The following ZC3H7A variants were observed in gnomAD, a reference collection of about 807,000 sequenced individuals.
ZC3H7A encodes zinc finger CCCH domain-containing protein 7A.
ZC3H7A carries 44 observed loss-of-function variants against 125.5 expected under a neutral mutation model. The ratio of observed to expected loss-of-function variants is 0.35; its 90% CI spans 0.28 to 0.45. The LOEUF (loss-of-function observed/expected upper bound fraction) is 0.45, where lower values mean the gene tolerates loss of function less well. Among genes scored for constraint, ZC3H7A ranks in the 20% least tolerant of loss-of-function variants. ZC3H7A has a pLI of 1.00. For missense variants in ZC3H7A, 977 were observed against 1,170.7 expected, an observed-to-expected ratio of 0.83 and a Z score of 2.41; for synonymous variants, 399 against 391.2, an observed-to-expected ratio of 1.02 and a Z score of -0.23.
intron 16 of ZC3H7A, chr16:11,763,253 G>T (rs1248602595): frequency 6.0e-6 from 2 of 334,960 alleles, no homozygotes; most frequent in Non-Finnish European, 1.1e-5. Flanking sequence ...TATTACAGGC[G>T]CCCACCACCA....
chr16:11,759,890 G>C (rs373338850), intron 19 of ZC3H7A: 1 of 152,048 alleles, frequency 6.6e-6, no homozygotes, highest in African/African-American at 2.4e-5. Flanking sequence ...AGGCGGGTGG[G>C]TCACTTGAGG....
At chr16:11,768,204 T>A (rs922644980) in intron 12 of ZC3H7A, 111 bp downstream of exon 12, 2 of 1,105,864 alleles carry the variant, frequency 1.8e-6, no homozygotes, top group Admixed American at 3.0e-5. Context: ...AAAATAGGGA[T>A]TGAAGAACCA....
chr16:11,759,537 C>T (rs1301241198), intron 19 of ZC3H7A: 1 of 152,162 alleles, frequency 6.6e-6, no homozygotes, highest in African/African-American at 2.4e-5. Context: ...CCCGTCAAAC[C>T]CCAGTAAGTA....
chr16:11,758,584 TA>T (rs770139967), intron 19 of ZC3H7A, 45 bp from the exon 20 acceptor site: 25 of 1,366,838 alleles, frequency 1.8e-5, no homozygotes, highest in Non-Finnish European at 2.4e-5. Flanking sequence ...GTACACCTAG[TA>T]AAACGGCCTA....
At chr16:11,775,036 G>A (rs748782763) in intron 7 of ZC3H7A, 23 bp from the exon 8 acceptor site, 1 of 1,613,234 alleles carries the variant, frequency 6.2e-7, no homozygotes, top group Non-Finnish European at 8.5e-7. Flanking sequence ...CCAAACAATG[G>A]GTTATAATAT....
At chr16:11,783,150 G>A (rs373804334) in intron 1 of ZC3H7A, 3 of 152,260 alleles carry the variant, frequency 2.0e-5, no homozygotes, top group African/African-American at 4.8e-5. Context: ...CTCCGAGGGA[G>A]TCTGACTTCC....
rs1371155855 is a variant in ZC3H7A at position 11,776,929 on chromosome 16, A to T, written c.307-20T>A. On this transcript the variant is annotated intron_variant, in intron 4 of 22. Transcript: ENST00000355758. ...GAAACCCTGGTGTGTAAGACCAAAG[A>T]ATAAAGTCAGCAATCAAACAATTCA... 6.5e-7 allele frequency: 1 copy of T among 1,541,768 alleles called. No homozygotes were observed. The highest frequency in any genetic ancestry group is 1.3e-5 in the South Asian group (1 of 79,964).
At chr16:11,789,937 C>T (rs988554624) in intron 1 of ZC3H7A, among the ~76,000 whole-genome samples, 1 of 151,692 alleles carries the variant, frequency 6.6e-6, no homozygotes, top group African/African-American at 2.4e-5. Flanking sequence ...AAAAATTAAC[C>T]GGGTGTGGAG....
chr16:11,779,744 C>G (rs752682318), intron 3 of ZC3H7A, among the ~76,000 whole-genome samples: 1 of 152,114 alleles, frequency 6.6e-6, no homozygotes, highest in South Asian at 2.1e-4. Flanking sequence ...AAAAATGTTT[C>G]TAGTGGTTTA....
chr16:11,789,041 C>T (rs908958045), intron 1 of ZC3H7A, among the ~76,000 whole-genome samples: 1 of 152,146 alleles, frequency 6.6e-6, no homozygotes, highest in Non-Finnish European at 1.5e-5. Context: ...CAACCACACA[C>T]ACACAAGTGC....
chr16:11,762,847 A>G (rs1175208656), intron 16 of ZC3H7A, 100 bp from the exon 17 acceptor site: 9 of 1,063,186 alleles, frequency 8.5e-6, no homozygotes, highest in Non-Finnish European at 1.3e-5. Flanking sequence ...CTTCCAATCT[A>G]TTCTCATACC....
chr16:11,780,256 G>A (rs1044669036), intron 3 of ZC3H7A, among the ~76,000 whole-genome samples: 2 of 151,726 alleles, frequency 1.3e-5, no homozygotes, highest in African/African-American at 2.4e-5. Flanking sequence ...GAGTAGCTGG[G>A]ATTACAGGCA....
intron 20 of ZC3H7A, among the ~76,000 whole-genome samples, chr16:11,756,823 A>C (rs1015489342): frequency 6.6e-6 from 1 of 152,106 alleles, no homozygotes; most frequent in Non-Finnish European, 1.5e-5. Context: ...ACATACTACT[A>C]CTGGACCAAG....
intron 9 of ZC3H7A, among the ~76,000 whole-genome samples, chr16:11,773,225 G>C (rs1398463970): frequency 6.6e-6 from 1 of 151,860 alleles, no homozygotes; most frequent in African/African-American, 2.4e-5. Flanking sequence ...GTGTTGCCCA[G>C]GCTAGAGTGC....
chr16:11,759,426 C>G (rs897573582), intron 19 of ZC3H7A: 5 of 152,240 alleles, frequency 3.3e-5, no homozygotes, highest in Non-Finnish European at 7.3e-5. Context: ...GCTCAGCCCC[C>G]TTAACACTGT....
At chr16:11,763,683 T>C (rs2052793452) in intron 15 of ZC3H7A, 24 bp from the exon 16 acceptor site, 2 of 1,378,968 alleles carry the variant, frequency 1.5e-6, no homozygotes, top group African/African-American at 1.7e-5. Flanking sequence ...AGTGACATTT[T>C]AATATTGTTC....
intron 15 of ZC3H7A, among the ~76,000 whole-genome samples, chr16:11,764,036 C>T (rs759880320): frequency 5.3e-4 from 80 of 151,716 alleles, no homozygotes; most frequent in Non-Finnish European, 9.9e-4. Context: ...CCTCGTGATC[C>T]GCCTGCCTCG....
At chr16:11,794,471 C>A (rs1307372963) in intron 1 of ZC3H7A, among the ~76,000 whole-genome samples, 3 of 152,098 alleles carry the variant, frequency 2.0e-5, no homozygotes, top group African/African-American at 2.4e-5. Flanking sequence ...TCTAAAATTT[C>A]TTCTTGATTT....
chr16:11,752,766 A>C lies in ZC3H7A; in HGVS notation c.2629T>G (p.Ser877Ala). ...NSEKQWQGHISSEKHKEKVFH... is the reference protein window; with the variant it reads ...NSEKQWQGHIASEKHKEKVFH... ...ACCTTCTCTTTGTGCTTCTCGGAGGAGATGTGGCCCTGCCACTGCTTCTCA... is the reference window on the plus strand; with the variant it reads ...ACCTTCTCTTTGTGCTTCTCGGAGGCGATGTGGCCCTGCCACTGCTTCTCA... The change falls in exon 22 of 23, where the codon TCC (serine) becomes GCC (alanine). Residue 877 changes from serine to alanine, a missense_variant. By Grantham distance (99) the Ser-to-Ala change is moderately conservative (BLOSUM62 1). Coordinates refer to ENST00000355758, the MANE Select transcript of ZC3H7A (RefSeq NM_014153.4). 6.2e-7 allele frequency: 1 copy of C among 1,614,106 alleles called. No homozygotes were observed. The highest frequency in any genetic ancestry group is 8.5e-7 in the Non-Finnish European group (1 of 1,180,004).
Sources: allele counts gnomAD v4.1 joint callset (sites outside exome capture counted in the v4.1 genomes callset), GRCh38; gene constraint gnomAD v4.1.1; transcripts MANE v1.5; gene names NCBI Gene and HGNC (gene_info 2026-07-23, HGNC 2026-07-21).